The following FAM135B variants were observed in gnomAD, a reference collection of about 807,000 sequenced individuals.
FAM135B encodes family with sequence similarity 135 member B.
A neutral mutation model predicts 127.7 loss-of-function variants in FAM135B; 43 were observed. That is an observed-to-expected ratio of 0.34 (90% CI 0.26 to 0.43). FAM135B has a LOEUF of 0.43. Ranked by LOEUF, FAM135B falls within the 20% of genes least tolerant of loss-of-function variation. FAM135B has a pLI of 1.00. For synonymous variants in FAM135B, 670 were observed against 665.1 expected, an observed-to-expected ratio of 1.01 and a Z score of -0.11; for missense variants, 1,558 against 1,725.6, an observed-to-expected ratio of 0.90 and a Z score of 1.72.
rs115358006 is a variant in FAM135B, at chr8:138,151,043, A to G, written c.3281+151T>C. The stretch of plus-strand genomic sequence containing the variant: ...TTCCTATGATATGAATTAAATATAT[A>G]TGATATATTATCTATAATATGGTAT... On this transcript the variant is annotated intron_variant, in intron 13 of 19. Coordinates refer to ENST00000395297, the MANE Select transcript of FAM135B (RefSeq NM_015912.4). 3.2e-3 allele frequency: 1,316 copies of G among 409,702 alleles called. 13 individuals carry two copies. Among genetic ancestry groups the G allele is most frequent in the African/African-American group, 0.025 (1,223 of 48,736 alleles). 25.4% of individuals were successfully genotyped at this position (409,702 alleles called of 1,614,324 possible).
intron 2 of FAM135B, among the ~76,000 whole-genome samples, chr8:138,351,500 T>C (rs1829780610): frequency 6.6e-6 from 1 of 152,062 alleles, no homozygotes; most frequent in Admixed American, 6.6e-5. Flanking sequence ...GATAAAGGCA[T>C]GGAACGGATC....
At chr8:138,452,694 T>A (rs1836565211) in intron 1 of FAM135B, among the ~76,000 whole-genome samples, 1 of 121,272 alleles carries the variant, frequency 8.2e-6, no homozygotes, top group Non-Finnish European at 1.9e-5. Context: ...CTTAGCTGGA[T>A]CCTCTAGTCT....
intron 2 of FAM135B, among the ~76,000 whole-genome samples, chr8:138,348,927 G>A (rs1442347230): frequency 6.6e-6 from 1 of 152,250 alleles, no homozygotes; most frequent in Non-Finnish European, 1.5e-5. Flanking sequence ...CATGGATGGG[G>A]AAGCCCAGAG....
At chr8:138,370,227 A>C (rs1157699200) in intron 1 of FAM135B, among the ~76,000 whole-genome samples, 1 of 152,170 alleles carries the variant, frequency 6.6e-6, no homozygotes, top group Non-Finnish European at 1.5e-5. Flanking sequence ...TATTTAACGC[A>C]TGGAGAATAC....
chr8:138,451,980 C>T (rs1482305704), intron 1 of FAM135B, among the ~76,000 whole-genome samples: 1 of 152,066 alleles, frequency 6.6e-6, no homozygotes, highest in African/African-American at 2.4e-5. Context: ...TCACCTTGCT[C>T]ATAATTTTTA....
chr8:138,436,395 T>C (rs1001871253), intron 1 of FAM135B, among the ~76,000 whole-genome samples: 1 of 152,186 alleles, frequency 6.6e-6, no homozygotes, highest in Non-Finnish European at 1.5e-5. Flanking sequence ...GACAATCATA[T>C]GATGTGGAAA....
intron 7 of FAM135B, among the ~76,000 whole-genome samples, chr8:138,214,499 C>T (rs768045218): frequency 6.6e-6 from 1 of 152,130 alleles, no homozygotes; most frequent in Admixed American, 6.5e-5. Context: ...AGCACACAGA[C>T]TAATGATTTT....
intron 16 of FAM135B, among the ~76,000 whole-genome samples, chr8:138,142,547 G>A (rs1055748049): frequency 7.3e-5 from 11 of 151,700 alleles, no homozygotes; most frequent in African/African-American, 2.4e-5. Flanking sequence ...CTCGTGATCC[G>A]CCCGCCTCAG....
At position 138,435,257 on chromosome 8, in the gene FAM135B, A is replaced by G. The variant is rs566036015; in HGVS notation, c.-20+61414T>C. 9.2e-5 allele frequency among the ~76,000 whole-genome samples: 14 copies of G among 152,274 alleles called. No individual in the cohort carries two copies. In the South Asian group the frequency reaches 2.5e-3, roughly 27 times the overall value. ...GGTTGCAGTGAGCCAAGATAGCTCC[A>G]TTGCACTACAGCCTGGGTGACAGAG... On this transcript the variant is annotated intron_variant, in intron 1 of 19. Transcript: ENST00000395297.
chr8:138,179,000 A>G (rs765647644), intron 9 of FAM135B, among the ~76,000 whole-genome samples: 17 of 152,024 alleles, frequency 1.1e-4, no homozygotes, highest in Non-Finnish European at 1.9e-4. Flanking sequence ...TTTCCATTTC[A>G]TTTTACTTTC....
chr8:138,158,642 G>C (rs1563706314), intron 12 of FAM135B, among the ~76,000 whole-genome samples: 1 of 152,156 alleles, frequency 6.6e-6, no homozygotes, highest in African/African-American at 2.4e-5. Context: ...GGTATGAACA[G>C]ACACTTCTCA....
chr8:138,436,308 T>C (rs934038449), intron 1 of FAM135B, among the ~76,000 whole-genome samples: 1 of 152,232 alleles, frequency 6.6e-6, no homozygotes, highest in Admixed American at 6.5e-5. Context: ...ATATGGTTAC[T>C]TCTTCCATTT....
At chr8:138,276,856 C>T (rs547965610) in intron 3 of FAM135B, among the ~76,000 whole-genome samples, 2 of 152,306 alleles carry the variant, frequency 1.3e-5, no homozygotes, top group South Asian at 4.1e-4. Context: ...CTGCAGGTCA[C>T]CGGCTGCCCT....
At position 138,185,670 on chromosome 8, in the gene FAM135B, C is replaced by A. The variant is rs141434514; in HGVS notation, c.874-6980G>T. ...TATAGCTCTGGGAAAGACTACGTGA[C>A]AATTTGGGATCTCCCAGAAGTTTAC... On this transcript the variant is annotated intron_variant, in intron 9 of 19. Coordinates refer to ENST00000395297, the MANE Select transcript of FAM135B (RefSeq NM_015912.4). Among the ~76,000 whole-genome samples the A allele has an allele frequency of 1.7e-4, 26 of 152,260 alleles. No individual in the cohort carries two copies. In the East Asian group the frequency reaches 4.4e-3, roughly 26 times the overall value.
chr8:138,155,154 G>A (rs1188191736), intron 12 of FAM135B, among the ~76,000 whole-genome samples: 1 of 152,182 alleles, frequency 6.6e-6, no homozygotes, highest in East Asian at 1.9e-4. Flanking sequence ...CATTCTTAAA[G>A]AAAAGAACTT....
chr8:138,200,442 G>A (rs563018074), intron 7 of FAM135B, among the ~76,000 whole-genome samples: 23 of 152,194 alleles, frequency 1.5e-4, no homozygotes, highest in Non-Finnish European at 3.1e-4. Flanking sequence ...GATCTGTGGA[G>A]CAGGAAGGAA....
At chr8:138,341,887 C>T (rs752946834) in intron 2 of FAM135B, among the ~76,000 whole-genome samples, 1 of 152,188 alleles carries the variant, frequency 6.6e-6, no homozygotes, top group Non-Finnish European at 1.5e-5. Flanking sequence ...CTCATCTCCC[C>T]AGAAGTTCAC....
intron 5 of FAM135B, among the ~76,000 whole-genome samples, chr8:138,254,800 G>A (rs553296146): frequency 6.2e-4 from 94 of 152,238 alleles, no homozygotes; most frequent in African/African-American, 2.0e-3. Flanking sequence ...GCACGAACAA[G>A]GTAGATACTC....
intron 1 of FAM135B, among the ~76,000 whole-genome samples, chr8:138,419,743 G>A (rs1834377654): frequency 6.6e-6 from 1 of 152,146 alleles, no homozygotes; most frequent in South Asian, 2.1e-4. Context: ...ATTTGCTCTT[G>A]AGTAACTTTT....
Sources: gnomAD v4.1 joint callset for allele counts (sites outside exome capture counted in the v4.1 genomes callset) on GRCh38, gnomAD v4.1.1 for gene constraint, MANE v1.5 for transcripts, NCBI Gene and HGNC (gene_info 2026-07-23, HGNC 2026-07-21) for gene names.